The following HSF5 variants were observed in gnomAD, a reference collection of about 807,000 sequenced individuals.
The protein encoded by HSF5 is heat shock factor protein 5.
Under a neutral mutation model 50.8 loss-of-function variants are expected in HSF5, and 5 were observed. That is an observed-to-expected ratio of 0.10 (90% CI 0.05 to 0.21). HSF5 has a LOEUF of 0.21. Among genes scored for constraint, HSF5 ranks in the 10% least tolerant of loss-of-function variants. The pLI is 1.00. For synonymous variants in HSF5, 307 were observed against 307.4 expected (o/e 1.00, Z 0.02); for missense variants, 564 against 762.6 (o/e 0.74, Z 3.07).
At position 58,436,958 on chromosome 17, in the gene HSF5, G is replaced by T. The variant is rs1974435567; in HGVS notation, c.1721-14528C>A. Among the ~76,000 whole-genome samples the T allele has an allele frequency of 2.0e-5, 3 of 152,292 alleles. No individual in the cohort carries two copies. The South Asian group carries it at 6.2e-4, about 32-fold the overall frequency. On this transcript the variant is annotated intron_variant, in intron 5 of 5. Coordinates refer to ENST00000323777, the MANE Select transcript of HSF5 (RefSeq NM_001080439.3). Reference sequence around the variant, plus strand: ...CAAGGAAAGATGCCGTAAAGTGACTGGGGGCCTTTTAATTCCATTTTTGCG... The same window carrying T: ...CAAGGAAAGATGCCGTAAAGTGACTTGGGGCCTTTTAATTCCATTTTTGCG...
intron 1 of HSF5, 101 bp downstream of exon 1, chr17:58,487,624 C>T: frequency 7.6e-7 from 1 of 1,317,258 alleles, no homozygotes; most frequent in Non-Finnish European, 9.6e-7. Context: ...CTTTCCGACG[C>T]CCATAGCGTG....
At chr17:58,475,162 G>A (rs1598200397) in intron 2 of HSF5, among the ~76,000 whole-genome samples, 1 of 151,832 alleles carries the variant, frequency 6.6e-6, no homozygotes, top group African/African-American at 2.4e-5. Flanking sequence ...AAACATTTTG[G>A]GAAAATAATC....
chr17:58,429,098 A>C (rs1974332562), intron 5 of HSF5, among the ~76,000 whole-genome samples: 1 of 152,236 alleles, frequency 6.6e-6, no homozygotes. Context: ...TACAATGTGG[A>C]TGAACCTTAG....
Position 58,450,966 on chromosome 17 carries a change from G to T in HSF5, c.1720+7802C>A, listed in dbSNP as rs1174158005. On this transcript the variant is annotated intron_variant, in intron 5 of 5. Coordinates refer to ENST00000323777, the MANE Select transcript of HSF5 (RefSeq NM_001080439.3). ...TAGCCGGGCATGGTGGTGGGCGCCT[G>T]TAATCCCAGCTACTTGGGAGGCTGA... Among the ~76,000 whole-genome samples, 4 of 151,948 alleles carry T rather than the reference G, an allele frequency of 2.6e-5. No homozygotes were observed. The East Asian group carries it at 7.7e-4, about 29-fold the overall frequency.
chr17:58,464,253 A>C lies in HSF5; in HGVS notation c.1021-950T>G, dbSNP rs985473918. Among the ~76,000 whole-genome samples, 3 of 152,360 alleles carry C rather than the reference A, an allele frequency of 2.0e-5. No individual in the cohort carries two copies. In the South Asian group the frequency reaches 6.2e-4, roughly 32 times the overall value. ...TAGCCAATAGCACATTTATTGAGTT[A>C]TTACTATGTGCCAAGCACATGCAAA... On this transcript the variant is annotated intron_variant, in intron 3 of 5. Transcript: ENST00000323777.
intron 3 of HSF5, among the ~76,000 whole-genome samples, chr17:58,464,115 T>A (rs1475564312): frequency 1.3e-5 from 2 of 152,216 alleles, no homozygotes; most frequent in East Asian, 3.8e-4. Context: ...AAAGAAAGTA[T>A]GTAGTGAGTT....
At chr17:58,476,738 T>C in intron 2 of HSF5, 4 of 1,597,022 alleles carry the variant, frequency 2.5e-6, no homozygotes, top group East Asian at 2.2e-5. Flanking sequence ...AATTCTGATC[T>C]CTTCTGAAAA....
intron 5 of HSF5, among the ~76,000 whole-genome samples, chr17:58,438,663 G>T (rs1329296721): frequency 6.6e-6 from 1 of 151,998 alleles, no homozygotes; most frequent in Admixed American, 6.6e-5. Flanking sequence ...ATTCAGCAAA[G>T]CCCTAAAAGA....
intron 5 of HSF5, among the ~76,000 whole-genome samples, chr17:58,422,694 C>CTTT (rs34142135): frequency 1.6e-5 from 2 of 125,198 alleles, no homozygotes; most frequent in Non-Finnish European, 3.3e-5. Flanking sequence ...CCTCAGTTGC[C>CTTT]TTTTTTTTTT....
Position 58,487,782 on chromosome 17 carries a change from C to A in HSF5, c.493G>T (p.Ala165Ser). Residue 165 changes from alanine (A) to serine (S), a missense_variant, in exon 1 of 6, where the codon GCG (alanine) becomes TCG (serine). Physicochemically the swap from Ala to Ser is moderately conservative, Grantham distance 99 (BLOSUM62 1). This residue lies in a region of HSF5 where 441 missense variants were observed against 533.6 expected (regional missense o/e 0.83). Coordinates refer to ENST00000323777, the MANE Select transcript of HSF5 (RefSeq NM_001080439.3). The part of the protein sequence containing the change: ...LLITSASAAT[A>S]PLQHQQPPPP... The stretch of plus-strand genomic sequence containing the variant: ...GGCGGCTGCTGGTGCTGCAGTGGCG[C>A]GGTGGCGGCGGAGGCCGAGGTGATG... The A allele has an allele frequency of 6.7e-7, 1 of 1,499,100 alleles. No individual in the cohort carries two copies. The highest frequency in any genetic ancestry group is 1.3e-5 in the South Asian group (1 of 79,894). 92.9% of individuals were successfully genotyped at this position (1,499,100 alleles called of 1,614,324 possible).
At chr17:58,424,173 T>G (rs2143719948) in intron 5 of HSF5, among the ~76,000 whole-genome samples, 1 of 152,298 alleles carries the variant, frequency 6.6e-6, no homozygotes, top group Middle Eastern at 3.4e-3. Context: ...AATGAGTTTC[T>G]CATACTCCCA....
chr17:58,421,690 T>A lies in HSF5; in HGVS notation c.*670A>T, dbSNP rs954335009. 1 of 152,458 alleles carries A rather than the reference T, an allele frequency of 6.6e-6. No individual in the cohort carries two copies. Among genetic ancestry groups the A allele is most frequent in the African/African-American group, 2.4e-5 (1 of 41,462 alleles). 9.4% of individuals were successfully genotyped at this position (152,458 alleles called of 1,614,324 possible). A position where few individuals can be genotyped will look rare whatever the true frequency, so the allele number is the denominator to read the frequency against. On this transcript the variant is annotated 3_prime_UTR_variant, in exon 6 of 6. Coordinates refer to ENST00000323777, the MANE Select transcript of HSF5 (RefSeq NM_001080439.3). Reference sequence around the variant, plus strand: ...GTATCATTAAAATTAAAGAAAGATATGAAAATAGAAGAATGCTTCCATTAA... The same window carrying A: ...GTATCATTAAAATTAAAGAAAGATAAGAAAATAGAAGAATGCTTCCATTAA...
intron 5 of HSF5, among the ~76,000 whole-genome samples, chr17:58,434,338 G>A (rs1974399315): frequency 6.6e-6 from 1 of 151,716 alleles, no homozygotes; most frequent in African/African-American, 2.4e-5. Context: ...AGCACTTTGG[G>A]AGGAAATCGA....
chr17:58,433,974 C>T (rs978272542), intron 5 of HSF5, among the ~76,000 whole-genome samples: 3 of 129,384 alleles, frequency 2.3e-5, no homozygotes, highest in African/African-American at 6.1e-5. Context: ...AGTGCAGTGG[C>T]GTGTTCTTGG....
intron 2 of HSF5, among the ~76,000 whole-genome samples, chr17:58,479,027 T>G (rs1354799009): frequency 6.6e-6 from 1 of 151,964 alleles, no homozygotes; most frequent in Non-Finnish European, 1.5e-5. Context: ...CCAGGTCAGT[T>G]GTCATTGTCA....
chr17:58,438,467 G>C (rs1292965917), intron 5 of HSF5, among the ~76,000 whole-genome samples: 2 of 152,116 alleles, frequency 1.3e-5, no homozygotes, highest in Non-Finnish European at 2.9e-5. Flanking sequence ...TGGCTTTGCA[G>C]TCAGGCAGCA....
rs66502039 is a variant in HSF5 at position 58,425,575 on chromosome 17, C to CAAAAAAAAAAAAAAAAAAAA, written c.1721-3165_1721-3146dup. On this transcript the variant is annotated intron_variant, in intron 5 of 5. Transcript: ENST00000323777. ...GGGCAACATAGTAAGACCTCTATCT[C>CAAAAAAAAAAAAAAAAAAAA]AAAAAAAAAAAAAAAAAAAAAAAAA... 1.2e-4 allele frequency among the ~76,000 whole-genome samples: 4 copies of CAAAAAAAAAAAAAAAAAAAA among 32,990 alleles called. 1 individual carries two copies. The highest frequency in any genetic ancestry group is 5.9e-4 in the African/African-American group (4 of 6,806). The allele number at this position is 32,990 out of a possible 152,430, so 21.6% of individuals were successfully genotyped here. A position where few individuals can be genotyped will look rare whatever the true frequency, so the allele number is the denominator to read the frequency against.
At chr17:58,443,117 C>T (rs143295988) in intron 5 of HSF5, among the ~76,000 whole-genome samples, 1 of 152,190 alleles carries the variant, frequency 6.6e-6, no homozygotes, top group East Asian at 1.9e-4. Context: ...CTGTGTTAGC[C>T]AGGATGGTCT....
At chr17:58,475,996 G>T (rs956225673) in intron 2 of HSF5, 4 of 328,362 alleles carry the variant, frequency 1.2e-5, no homozygotes, top group South Asian at 3.5e-5. Flanking sequence ...AGAGAAAAGA[G>T]ACCTCAAGAA....
Sources: allele counts gnomAD v4.1 joint callset (sites outside exome capture counted in the v4.1 genomes callset), GRCh38; gene constraint gnomAD v4.1.1; regional missense constraint gnomAD v4.1.1; transcripts MANE v1.5; gene names NCBI Gene and HGNC (gene_info 2026-07-23, HGNC 2026-07-21).